ZFAND3: variants seen among roughly 807,000 people sequenced by gnomAD.
ZFAND3 encodes the protein zinc finger AN1-type containing 3.
In ZFAND3, 10 loss-of-function variants were observed where a neutral mutation model predicts 29.6. The ratio of observed to expected loss-of-function variants is 0.34; its 90% CI spans 0.21 to 0.57. The LOEUF (loss-of-function observed/expected upper bound fraction) is 0.57. ZFAND3 is among the 20% of genes least tolerant of loss of function. ZFAND3 has a pLI of 0.86. For synonymous variants in ZFAND3, 128 were observed against 112.6 expected (o/e 1.14, Z -0.87); for missense variants, 230 against 304.5 (o/e 0.76, Z 1.82).
At chr6:37,945,496 A>G (rs374081531) in intron 2 of ZFAND3, among the ~76,000 whole-genome samples, 40 of 152,196 alleles carry the variant, frequency 2.6e-4, no homozygotes, top group South Asian at 4.2e-4. Context: ...CTCCGGTTCA[A>G]ACAGTTCTCC....
At chr6:37,853,219 G>C (rs966185133) in intron 1 of ZFAND3, among the ~76,000 whole-genome samples, 2 of 152,076 alleles carry the variant, frequency 1.3e-5, no homozygotes, top group East Asian at 3.8e-4. Flanking sequence ...TGGGATCAGT[G>C]ACACTGGTAG....
At chr6:38,007,021 A>AT (rs1350853951) in intron 2 of ZFAND3, among the ~76,000 whole-genome samples, 13 of 152,280 alleles carry the variant, frequency 8.5e-5, no homozygotes, top group Non-Finnish European at 1.2e-4. Context: ...TAGTTCTCAG[A>AT]TTTTTTTATC....
chr6:38,153,003 TG>T lies in ZFAND3; in HGVS notation c.*615del. 1 of 985,866 alleles carries T rather than the reference TG, an allele frequency of 1.0e-6. No homozygotes were observed. Among genetic ancestry groups the T allele is most frequent in the Non-Finnish European group, 1.2e-6 (1 of 829,954 alleles). The allele number at this position is 985,866 out of a possible 1,614,324, so 61.1% of individuals were successfully genotyped here. A position where few individuals can be genotyped will look rare whatever the true frequency, so the allele number is the denominator to read the frequency against. The stretch of plus-strand genomic sequence containing the variant: ...GGAAATTTTTTTACCTGACTTGCTA[TG>T]AAAAAACTCATCACACAAGAAGAGA... On this transcript the variant is annotated 3_prime_UTR_variant, in exon 6 of 6. Transcript: ENST00000287218.
At chr6:38,067,616 T>C (rs995367250) in intron 3 of ZFAND3, among the ~76,000 whole-genome samples, 1 of 152,270 alleles carries the variant, frequency 6.6e-6, no homozygotes, top group African/African-American at 2.4e-5. Context: ...TCCCAGTTTT[T>C]AGATTTTTTC....
At chr6:38,013,982 G>C (rs1020301588) in intron 2 of ZFAND3, among the ~76,000 whole-genome samples, 6 of 152,104 alleles carry the variant, frequency 3.9e-5, no homozygotes, top group Admixed American at 1.3e-4. Context: ...GGTTTTGATG[G>C]CATAAGACCT....
intron 2 of ZFAND3, among the ~76,000 whole-genome samples, chr6:37,930,935 T>C (rs1362946909): frequency 6.6e-6 from 1 of 152,150 alleles, no homozygotes; most frequent in Admixed American, 6.5e-5. Flanking sequence ...GAAGTCAATG[T>C]TGATTTGCAG....
intron 3 of ZFAND3, among the ~76,000 whole-genome samples, chr6:38,074,890 G>A (rs1053223203): frequency 2.6e-5 from 4 of 152,164 alleles, no homozygotes; most frequent in East Asian, 1.9e-4. Flanking sequence ...TGCTACATCC[G>A]CTCTGCCTGT....
intron 4 of ZFAND3, among the ~76,000 whole-genome samples, chr6:38,096,730 A>G (rs548098111): frequency 2.6e-5 from 4 of 151,904 alleles, no homozygotes; most frequent in Admixed American, 6.6e-5. Context: ...TTCTTTTCTC[A>G]GAGTCTTCAT....
intron 1 of ZFAND3, among the ~76,000 whole-genome samples, chr6:37,835,366 A>G (rs1763947063): frequency 6.6e-6 from 1 of 151,932 alleles, no homozygotes; most frequent in Non-Finnish European, 1.5e-5. Flanking sequence ...CATGTTGCCC[A>G]GGCTGGTCTT....
chr6:37,891,622 A>G (rs1765105154), intron 1 of ZFAND3, among the ~76,000 whole-genome samples: 1 of 152,184 alleles, frequency 6.6e-6, no homozygotes, highest in African/African-American at 2.4e-5. Context: ...TCATAGAACA[A>G]CTAGACAGAA....
At chr6:38,006,341 T>A (rs1763047824) in intron 2 of ZFAND3, among the ~76,000 whole-genome samples, 1 of 152,226 alleles carries the variant, frequency 6.6e-6, no homozygotes, top group South Asian at 2.1e-4. Flanking sequence ...AATTTCACAC[T>A]AATTTTATTC....
intron 2 of ZFAND3, among the ~76,000 whole-genome samples, chr6:37,998,701 A>G (rs560386166): frequency 5.9e-5 from 9 of 152,316 alleles, no homozygotes; most frequent in African/African-American, 1.4e-4. Context: ...TTATACATGT[A>G]TACTGGAATT....
intron 1 of ZFAND3, among the ~76,000 whole-genome samples, chr6:37,901,645 T>G (rs1023373298): frequency 2.0e-5 from 3 of 152,170 alleles, no homozygotes; most frequent in Admixed American, 2.0e-4. Context: ...GATGTGTTTG[T>G]CTTTCTAATA....
At chr6:37,957,515 T>C (rs1762105730) in intron 2 of ZFAND3, among the ~76,000 whole-genome samples, 1 of 152,148 alleles carries the variant, frequency 6.6e-6, no homozygotes, top group African/African-American at 2.4e-5. Flanking sequence ...AGTTGTTTCT[T>C]ATTAGGTACA....
At chr6:38,140,008 G>C (rs548886577) in intron 5 of ZFAND3, among the ~76,000 whole-genome samples, 1 of 152,232 alleles carries the variant, frequency 6.6e-6, no homozygotes, top group African/African-American at 2.4e-5. Context: ...TGAAGAGTAA[G>C]TAAGGTATCA....
intron 2 of ZFAND3, among the ~76,000 whole-genome samples, chr6:38,008,993 G>A (rs939837597): frequency 6.6e-6 from 1 of 152,172 alleles, no homozygotes; most frequent in Non-Finnish European, 1.5e-5. Flanking sequence ...TTGTGAGCAT[G>A]TTGTTCCGAC....
At chr6:38,043,429 CCTTCTCTCCT>C (rs2127456996) in intron 2 of ZFAND3, among the ~76,000 whole-genome samples, 1 of 149,314 alleles carries the variant, frequency 6.7e-6, no homozygotes, top group East Asian at 2.0e-4. Context: ...TCTTCTCTCC[CCTTCTCTCCT>C]ATCCCCTCCC....
At chr6:37,939,654 AG>A (rs929782334) in intron 2 of ZFAND3, among the ~76,000 whole-genome samples, 3 of 152,166 alleles carry the variant, frequency 2.0e-5, no homozygotes, top group Non-Finnish European at 4.4e-5. Flanking sequence ...CCTTTATCAA[AG>A]CTTGGAGACT....
intron 2 of ZFAND3, among the ~76,000 whole-genome samples, chr6:37,944,643 G>C (rs941806393): frequency 6.6e-6 from 1 of 152,222 alleles, no homozygotes; most frequent in Non-Finnish European, 1.5e-5. Flanking sequence ...CGTATATCAC[G>C]TGGAGAAAGG....
Sources: gnomAD v4.1 joint callset for allele counts (sites outside exome capture counted in the v4.1 genomes callset) on GRCh38, gnomAD v4.1.1 for gene constraint, MANE v1.5 for transcripts, NCBI Gene and HGNC (gene_info 2026-07-23, HGNC 2026-07-21) for gene names.